The following PREX1 variants were observed in gnomAD, a reference collection of about 807,000 sequenced individuals.
PREX1 encodes phosphatidylinositol-3,4,5-trisphosphate dependent Rac exchange factor 1.
In PREX1, 41 loss-of-function variants were observed where a neutral mutation model predicts 198.3. That is an observed-to-expected ratio of 0.21 (90% CI 0.16 to 0.27). The LOEUF (loss-of-function observed/expected upper bound fraction) is 0.27, where lower values mean the gene tolerates loss of function less well. Among genes scored for constraint, PREX1 ranks in the 10% least tolerant of loss-of-function variants. The pLI is 1.00. For synonymous variants in PREX1, 843 were observed against 887.2 expected (o/e 0.95, Z 0.89); for missense variants, 1,620 against 2,200.7 (o/e 0.74, Z 5.28).
chr20:48,877,414 T>G, the PREX1 span, among the ~76,000 whole-genome samples: 2 of 152,212 alleles, frequency 1.3e-5, no homozygotes, highest in Non-Finnish European at 2.9e-5. Context: ...CCTCAGCACT[T>G]TTTTCTGCAC....
intron 1 of PREX1, among the ~76,000 whole-genome samples, chr20:48,790,505 G>A (rs1299666687): frequency 6.6e-6 from 1 of 151,016 alleles, no homozygotes; most frequent in Non-Finnish European, 1.5e-5. Flanking sequence ...ACATGAGTGC[G>A]GAAAAAAAAA....
intron 13 of PREX1, 41 bp downstream of exon 13, chr20:48,679,319 A>C: frequency 6.4e-7 from 1 of 1,569,868 alleles, no homozygotes; most frequent in Non-Finnish European, 8.8e-7. Context: ...ACAGCTGAGA[A>C]GAGGTAGAGG....
chr20:48,872,299 G>A, the PREX1 span, among the ~76,000 whole-genome samples: 1 of 152,128 alleles, frequency 6.6e-6, no homozygotes, highest in Admixed American at 6.5e-5. Flanking sequence ...AGCACATAGA[G>A]TTGGATACGT....
At chr20:48,725,305 G>A (rs561142720) in intron 5 of PREX1, among the ~76,000 whole-genome samples, 8 of 152,354 alleles carry the variant, frequency 5.3e-5, no homozygotes, top group African/African-American at 1.7e-4. Flanking sequence ...GACAGGCTCC[G>A]GCCAATAGCC....
intron 6 of PREX1, among the ~76,000 whole-genome samples, chr20:48,707,951 C>T (rs2089910990): frequency 6.6e-6 from 1 of 152,024 alleles, no homozygotes; most frequent in Non-Finnish European, 1.5e-5. Context: ...CTCCACATAC[C>T]AGGCAATGCA....
upstream of PREX1, chr20:48,828,007 G>A: frequency 5.7e-6 from 1 of 175,964 alleles, no homozygotes; most frequent in Non-Finnish European, 1.1e-5. Flanking sequence ...ACTGGGGGCC[G>A]GGCGGCTGGG....
chr20:48,649,247 G>C (rs1201283862), intron 25 of PREX1, 53 bp downstream of exon 25: 1 of 1,580,698 alleles, frequency 6.3e-7, no homozygotes, highest in Non-Finnish European at 8.6e-7. Flanking sequence ...AGTAAGGCCA[G>C]GATTGAGAAC....
In PREX1 at chr20:48,827,717, G is replaced by A; in HGVS notation, c.144C>T (p.Arg48=). 1.5e-6 allele frequency: 2 copies of A among 1,357,176 alleles called. No individual in the cohort carries two copies. The highest frequency in any genetic ancestry group is 9.6e-7 in the Non-Finnish European group (1 of 1,040,636). The allele number at this position is 1,357,176 out of a possible 1,614,324, so 84.1% of individuals were successfully genotyped here. A position where few individuals can be genotyped will look rare whatever the true frequency, so the allele number is the denominator to read the frequency against. Residue 48 remains arginine, a synonymous_variant, in exon 1 of 40, where the codon CGC becomes CGT. Coordinates refer to ENST00000371941, the MANE Select transcript of PREX1 (RefSeq NM_020820.4). This position sits in a 1 kb window ranked among gnomAD's most constrained non-coding sequence, Gnocchi z 4.1. ...TCTCGTTGAGGACGCAGAGGCGGAG[G>A]CGCAGCTGGCGCTCGGACTCCCGGG... is the stretch of plus-strand genomic sequence containing the variant. ...AAARESERQL[R]LRLCVLNEIL... is the part of the protein sequence containing the mutation.
intron 1 of PREX1, among the ~76,000 whole-genome samples, chr20:48,771,705 G>T (rs1044099533): frequency 6.6e-5 from 10 of 152,162 alleles, no homozygotes; most frequent in Admixed American, 2.0e-4. Context: ...TGCGGAGGAG[G>T]AACCCGAGGC....
chr20:48,724,739 A>G (rs373853180), intron 5 of PREX1, among the ~76,000 whole-genome samples: 16 of 152,260 alleles, frequency 1.1e-4, no homozygotes, highest in Admixed American at 3.3e-4. Flanking sequence ...CCACTACAGT[A>G]CACTGTCTCT....
chr20:48,639,929 G>A, intron 29 of PREX1, 35 bp from the exon 30 acceptor site: 1 of 1,609,582 alleles, frequency 6.2e-7, no homozygotes, highest in Non-Finnish European at 8.5e-7. Context: ...GCCAGGGAAG[G>A]GACGGAGGTA....
intron 16 of PREX1, 86 bp downstream of exon 16, chr20:48,659,833 C>T (rs542527901): frequency 2.5e-6 from 4 of 1,576,436 alleles, no homozygotes; most frequent in Non-Finnish European, 3.5e-6. Context: ...AGCCCCCTTC[C>T]CTGTGCATAA....
At chr20:48,873,461 C>G in the PREX1 span, among the ~76,000 whole-genome samples, 6,549 of 151,040 alleles carry the variant, frequency 0.043, 215 homozygotes, top group African/African-American at 0.089. Flanking sequence ...GTAATCCCAG[C>G]ACTTTGGGAG....
chr20:48,850,842 A>C, the PREX1 span, among the ~76,000 whole-genome samples: 33,764 of 151,662 alleles, frequency 0.22, 4,116 homozygotes, highest in African/African-American at 0.33. Context: ...TGCCTGGCAA[A>C]CTCCTCTTCA....
At chr20:48,836,224 A>G in the PREX1 span, among the ~76,000 whole-genome samples, 1 of 152,192 alleles carries the variant, frequency 6.6e-6, no homozygotes, top group African/African-American at 2.4e-5. Context: ...CACATCCACA[A>G]TCCTGAGGTT....
chr20:48,661,444 A>ATAT (rs1252023480), intron 15 of PREX1, among the ~76,000 whole-genome samples: 7 of 49,588 alleles, frequency 1.4e-4, no homozygotes, highest in Non-Finnish European at 1.9e-4. Context: ...AAAAAAAAAA[A>ATAT]ATATATATAT....
At chr20:48,794,735 C>A (rs2090352793) in intron 1 of PREX1, among the ~76,000 whole-genome samples, 1 of 152,208 alleles carries the variant, frequency 6.6e-6, no homozygotes, top group Non-Finnish European at 1.5e-5. Context: ...AAGAGGGGCC[C>A]CGGCTGCCTA....
chr20:48,832,542 G>A (rs1459268294), upstream of PREX1, among the ~76,000 whole-genome samples: 3 of 152,190 alleles, frequency 2.0e-5, no homozygotes, highest in East Asian at 5.8e-4. Flanking sequence ...GCAGCCCAGA[G>A]CAGGGCTGTT....
the PREX1 span, among the ~76,000 whole-genome samples, chr20:48,863,627 G>A: frequency 9.4e-5 from 12 of 127,634 alleles, no homozygotes; most frequent in Admixed American, 2.9e-4. Flanking sequence ...TCGCTCTGTC[G>A]CCCAGGCTGG....
Sources: allele counts gnomAD v4.1 joint callset (sites outside exome capture counted in the v4.1 genomes callset), GRCh38; gene constraint gnomAD v4.1.1; non-coding constraint Gnocchi (gnomAD v3.1); transcripts MANE v1.5; gene names NCBI Gene and HGNC (gene_info 2026-07-23, HGNC 2026-07-21).